Variants in CP observed in about 807,000 individuals in gnomAD.
The protein encoded by CP is caeruloplasmin.
In CP, 64 loss-of-function variants were observed where a neutral mutation model predicts 122.4. The ratio of observed to expected loss-of-function variants is 0.52; its 90% CI spans 0.43 to 0.64. The LOEUF is 0.64. Among genes scored for constraint, CP ranks in the 30% least tolerant of loss-of-function variants. The pLI, the probability that CP is intolerant of heterozygous loss-of-function variation, is 0.00. For missense variants in CP, 1,167 were observed against 1,284.4 expected, an observed-to-expected ratio of 0.91 and a Z score of 1.40; for synonymous variants, 440 against 436.4, an observed-to-expected ratio of 1.01 and a Z score of -0.10.
chr3:149,205,724 A>T (rs538539770), intron 6 of CP, among the ~76,000 whole-genome samples: 91 of 152,284 alleles, frequency 6.0e-4, no homozygotes, highest in African/African-American at 2.1e-3. Flanking sequence ...AATCGAGCTT[A>T]TCAGGGGGTG....
intron 9 of CP, among the ~76,000 whole-genome samples, chr3:149,190,412 C>A (rs1381528409): frequency 6.6e-6 from 1 of 152,156 alleles, no homozygotes; most frequent in East Asian, 1.9e-4. Context: ...AATCCCAGCA[C>A]TTTGGGAGAC....
intron 6 of CP, among the ~76,000 whole-genome samples, chr3:149,203,010 A>G (rs1413041937): frequency 6.0e-5 from 8 of 133,348 alleles, no homozygotes; most frequent in African/African-American, 2.3e-4. Context: ...AGGTTCAAGC[A>G]ATTCTCCTGC....
In CP at chr3:149,212,926, G is replaced by C. The variant is rs567527847; in HGVS notation, c.147-228C>G. Among the ~76,000 whole-genome samples the C allele has an allele frequency of 5.3e-5, 8 of 152,300 alleles. 1 individual carries two copies. The South Asian group carries it at 1.2e-3, about 24-fold the overall frequency. ...AGGTATATGTCAGAGAACCATCTGC[G>C]AAGGCATCATAGAAATGTAGTGCAT... On this transcript the variant is annotated intron_variant, in intron 1 of 18. Coordinates refer to ENST00000264613, the MANE Select transcript of CP (RefSeq NM_000096.4).
intron 18 of CP, among the ~76,000 whole-genome samples, chr3:149,173,968 A>G (rs147885546): frequency 6.6e-6 from 1 of 152,324 alleles, no homozygotes; most frequent in East Asian, 1.9e-4. Flanking sequence ...TAACTTTACA[A>G]TGGAGACACC....
intron 9 of CP, among the ~76,000 whole-genome samples, chr3:149,194,601 C>T (rs527529519): frequency 1.3e-4 from 13 of 100,238 alleles, no homozygotes; most frequent in African/African-American, 3.5e-4. Context: ...AATAAAACAT[C>T]TCAGCGTAAT....
chr3:149,193,217 C>A (rs1447763794), intron 9 of CP, among the ~76,000 whole-genome samples: 2 of 152,068 alleles, frequency 1.3e-5, no homozygotes, highest in East Asian at 3.9e-4. Context: ...GGCCTGTGAC[C>A]TAGAAATTTA....
intron 9 of CP, among the ~76,000 whole-genome samples, chr3:149,192,978 G>GTA (rs1484050235): frequency 1.7e-5 from 1 of 57,454 alleles, no homozygotes; most frequent in East Asian, 8.1e-4. Flanking sequence ...TTGTGATCCT[G>GTA]TATACACACA....
chr3:149,212,564 C>T lies in CP; in HGVS notation c.281G>A (p.Gly94Asp). ...IEKPVWLGFLGPIIKAETGDK... is the reference protein window; with the variant it reads ...IEKPVWLGFLDPIIKAETGDK... ...TCCAGTTTCAGCTTTGATAATAGGG[C>T]CTAAAAACCCAAGCCAGACCGGTTT... Residue 94 changes from glycine to aspartate, a missense_variant, in exon 2 of 19, where the codon GGC (glycine) becomes GAC (aspartate). Gly to Asp is a moderately conservative substitution (Grantham distance 94). Around this residue, in one of 2 missense-constraint regions of CP, gnomAD observed 642 missense variants for 627.3 expected, o/e 1.02. Coordinates refer to ENST00000264613, the MANE Select transcript of CP (RefSeq NM_000096.4). 1 of 1,613,958 alleles carries T rather than the reference C, an allele frequency of 6.2e-7. No individual in the cohort carries two copies. Among genetic ancestry groups the T allele is most frequent in the Non-Finnish European group, 8.5e-7 (1 of 1,179,982 alleles).
chr3:149,196,664 G>A (rs1485057112), intron 9 of CP, among the ~76,000 whole-genome samples: 1 of 152,128 alleles, frequency 6.6e-6, no homozygotes, highest in Non-Finnish European at 1.5e-5. Context: ...TTGAACATCA[G>A]TAGGAATAAT....
intron 5 of CP, among the ~76,000 whole-genome samples, chr3:149,163,296 T>G (rs1351508507): frequency 6.6e-6 from 1 of 152,166 alleles, no homozygotes; most frequent in East Asian, 1.9e-4. Context: ...GGGCCCCCAT[T>G]TCCTGTCTGT....
Position 149,167,207 on chromosome 3 carries a change from A to G in CP, c.587-1157T>C, listed in dbSNP as rs1339644896. 2 of 1,613,670 alleles carry G rather than the reference A, an allele frequency of 1.2e-6. No homozygotes were observed. The highest frequency in any genetic ancestry group is 1.7e-5 in the Admixed American group (1 of 59,940). ...AGAGATGCCCGGAGGCAGTCATTCC[A>G]TATGCTAATCATGAACTGAAAGAAG... On this transcript the variant is annotated intron_variant, in intron 4 of 5. Transcript: ENST00000479771.
chr3:149,207,207 C>A (rs965768679), intron 5 of CP, among the ~76,000 whole-genome samples, 156 bp downstream of exon 5: 11 of 152,076 alleles, frequency 7.2e-5, no homozygotes, highest in African/African-American at 2.7e-4. Flanking sequence ...GTCTTACAGT[C>A]TTTTTTTATT....
At position 149,213,725 on chromosome 3, in the gene CP, A is replaced by G. The variant is rs563384320; in HGVS notation, c.147-1027T>C. Reference sequence around the variant, plus strand: ...GATACTTTACCAATTTCTACTCAACATTTGTGGGGCCGAGTAATCTGACTG... The same window carrying G: ...GATACTTTACCAATTTCTACTCAACGTTTGTGGGGCCGAGTAATCTGACTG... On this transcript the variant is annotated intron_variant, in intron 1 of 18. Transcript: ENST00000264613. Among the ~76,000 whole-genome samples, 35 of 151,488 alleles carry G rather than the reference A, an allele frequency of 2.3e-4. 1 individual carries two copies. Among genetic ancestry groups the G allele is most frequent in the African/African-American group, 8.5e-4 (35 of 41,256 alleles).
chr3:149,189,427 T>A (rs914736627), intron 9 of CP, among the ~76,000 whole-genome samples: 1 of 149,994 alleles, frequency 6.7e-6, no homozygotes, highest in African/African-American at 2.5e-5. Flanking sequence ...GATGGCGGGC[T>A]CCTGTAGTCC....
chr3:149,216,356 G>A (rs1035624777), intron 1 of CP, among the ~76,000 whole-genome samples: 1 of 152,190 alleles, frequency 6.6e-6, no homozygotes, highest in Non-Finnish European at 1.5e-5. Context: ...TGGGGTCATA[G>A]AATTAAAATC....
chr3:149,220,339 G>A (rs1728724337), intron 1 of CP, among the ~76,000 whole-genome samples: 1 of 151,902 alleles, frequency 6.6e-6, no homozygotes, highest in African/African-American at 2.4e-5. Flanking sequence ...TTTTTTTAAT[G>A]TGTCTGACTT....
At chr3:149,185,779 T>G (rs563947739) in intron 11 of CP, among the ~76,000 whole-genome samples, 1 of 152,340 alleles carries the variant, frequency 6.6e-6, no homozygotes, top group East Asian at 1.9e-4. Flanking sequence ...CCCCTTCCTC[T>G]GCCTTATTTT....
At chr3:149,188,650 GAAAT>G (rs1576746284) in intron 9 of CP, among the ~76,000 whole-genome samples, 1 of 152,030 alleles carries the variant, frequency 6.6e-6, no homozygotes, top group African/African-American at 2.4e-5. Context: ...CCCAGATGAA[GAAAT>G]AACCTCCCAA....
intron 6 of CP, among the ~76,000 whole-genome samples, chr3:149,205,031 C>G (rs1356894090): frequency 1.3e-5 from 2 of 151,898 alleles, no homozygotes; most frequent in African/African-American, 4.8e-5. Flanking sequence ...AATCCCACTT[C>G]AAAAATGGCT....
Sources: allele counts gnomAD v4.1 joint callset (sites outside exome capture counted in the v4.1 genomes callset), GRCh38; gene constraint gnomAD v4.1.1; regional missense constraint gnomAD v4.1.1; transcripts MANE v1.5; gene names NCBI Gene and HGNC (gene_info 2026-07-23, HGNC 2026-07-21).